Variants in FRAS1 observed in about 807,000 individuals in gnomAD.
The protein encoded by FRAS1 is extracellular matrix organizing protein FRAS1.
Under a neutral mutation model 435.2 loss-of-function variants are expected in FRAS1, and 290 were observed. The ratio of observed to expected loss-of-function variants is 0.67; its 90% CI spans 0.61 to 0.73. The LOEUF is 0.73. FRAS1 is among the 30% of genes least tolerant of loss of function. The pLI is 0.00. For synonymous variants in FRAS1, 1,800 were observed against 1,851.0 expected (o/e 0.97, Z 0.71); for missense variants, 4,860 against 5,001.5 (o/e 0.97, Z 0.85).
intron 2 of FRAS1, among the ~76,000 whole-genome samples, chr4:78,109,773 TA>T (rs1742605808): frequency 4.6e-5 from 1 of 21,666 alleles, no homozygotes; most frequent in Non-Finnish European, 9.4e-5. Flanking sequence ...GAGAAGGAAA[TA>T]AAGGGTATTC....
At chr4:78,388,781 G>C in intron 29 of FRAS1, among the ~76,000 whole-genome samples, 1 of 152,006 alleles carries the variant, frequency 6.6e-6, no homozygotes, top group East Asian at 1.9e-4. Flanking sequence ...GTACTCCAGC[G>C]TGGATGACAG....
chr4:78,301,722 C>T (rs971776991), intron 14 of FRAS1, among the ~76,000 whole-genome samples: 2 of 152,088 alleles, frequency 1.3e-5, no homozygotes, highest in Non-Finnish European at 2.9e-5. Context: ...TTAAGCAGTC[C>T]TTCTTTCTCT....
intron 42 of FRAS1, chr4:78,446,508 T>A (rs1262925502): frequency 7.5e-7 from 1 of 1,338,642 alleles, no homozygotes; most frequent in Admixed American, 3.8e-5. Flanking sequence ...GAGAAAACTT[T>A]TATGAAATGT....
chr4:78,159,653 G>T (rs2110022166), intron 2 of FRAS1, among the ~76,000 whole-genome samples: 1 of 152,232 alleles, frequency 6.6e-6, no homozygotes, highest in Non-Finnish European at 1.5e-5. Context: ...GGCCAAGGAG[G>T]GTAGATCACT....
At chr4:78,422,975 A>G (rs1226942941) in intron 34 of FRAS1, among the ~76,000 whole-genome samples, 4 of 152,024 alleles carry the variant, frequency 2.6e-5, no homozygotes, top group Non-Finnish European at 5.9e-5. Context: ...AAGAATAACT[A>G]AGTTTCTCAT....
At chr4:78,224,914 G>T (rs967475768) in intron 2 of FRAS1, among the ~76,000 whole-genome samples, 2 of 152,230 alleles carry the variant, frequency 1.3e-5, no homozygotes, top group African/African-American at 4.8e-5. Flanking sequence ...TGTCTCTATG[G>T]ATATCATATT....
intron 2 of FRAS1, among the ~76,000 whole-genome samples, chr4:78,228,100 AAAAT>A (rs1431537258): frequency 6.6e-6 from 1 of 152,214 alleles, no homozygotes; most frequent in Non-Finnish European, 1.5e-5. Flanking sequence ...AGTTGACAAG[AAAAT>A]AAATAATTTT....
intron 2 of FRAS1, among the ~76,000 whole-genome samples, chr4:78,088,124 C>T (rs1323903128): frequency 6.6e-6 from 1 of 152,130 alleles, no homozygotes; most frequent in Non-Finnish European, 1.5e-5. Flanking sequence ...AATAATGCTG[C>T]ATATCTACAA....
rs551846087 is a variant in FRAS1 at position 78,112,787 on chromosome 4, A to T, written c.108+46771A>T. Among the ~76,000 whole-genome samples the T allele has an allele frequency of 4.0e-5, 6 of 149,564 alleles. No homozygotes were observed. The South Asian group carries it at 1.1e-3, about 26-fold the overall frequency. On this transcript the variant is annotated intron_variant, in intron 2 of 73. Coordinates refer to ENST00000512123, the MANE Select transcript of FRAS1 (RefSeq NM_025074.7). Reference sequence around the variant, plus strand: ...CTATGTCAGCAAGTTAAGGTCGGGCATTTTATTTTTTTAAATTTTTACTTT... The same window carrying T: ...CTATGTCAGCAAGTTAAGGTCGGGCTTTTTATTTTTTTAAATTTTTACTTT...
At chr4:78,450,791 T>G (rs1332958009) in intron 45 of FRAS1, among the ~76,000 whole-genome samples, 4 of 152,066 alleles carry the variant, frequency 2.6e-5, no homozygotes, top group Non-Finnish European at 5.9e-5. Context: ...CTAGGGGAAA[T>G]TACATGGCAC....
At chr4:78,271,599 A>G (rs191608839) in intron 9 of FRAS1, among the ~76,000 whole-genome samples, 207 of 152,320 alleles carry the variant, frequency 1.4e-3, no homozygotes, top group African/African-American at 4.7e-3. Flanking sequence ...TTTGCTGAGA[A>G]TGATGGTTTC....
At chr4:78,490,085 G>C (rs1196495492) in intron 59 of FRAS1, among the ~76,000 whole-genome samples, 3 of 151,734 alleles carry the variant, frequency 2.0e-5, no homozygotes, top group African/African-American at 2.4e-5. Flanking sequence ...AATGGTAAAG[G>C]GATCAATGCA....
intron 29 of FRAS1, among the ~76,000 whole-genome samples, chr4:78,399,194 C>T (rs1450589900): frequency 6.6e-6 from 1 of 152,188 alleles, no homozygotes; most frequent in Non-Finnish European, 1.5e-5. Flanking sequence ...GCCGTTGCTG[C>T]TGTTCTCATG....
intron 24 of FRAS1, among the ~76,000 whole-genome samples, chr4:78,373,354 G>A (rs1731588791): frequency 6.6e-6 from 1 of 151,768 alleles, no homozygotes; most frequent in Non-Finnish European, 1.5e-5. Context: ...TGCACAGAGA[G>A]CATTCCTAGG....
At chr4:78,164,698 C>G (rs780415064) in intron 2 of FRAS1, among the ~76,000 whole-genome samples, 1 of 152,090 alleles carries the variant, frequency 6.6e-6, no homozygotes, top group Non-Finnish European at 1.5e-5. Context: ...ATAGGTACAA[C>G]TTAGTTAATA....
chr4:78,304,182 A>C (rs1417004306), intron 14 of FRAS1, among the ~76,000 whole-genome samples: 1 of 151,552 alleles, frequency 6.6e-6, no homozygotes, highest in Non-Finnish European at 1.5e-5. Context: ...ATATTGAACC[A>C]GCCTTGCATC....
chr4:78,312,879 G>GAGAGAGAGAA (rs143465313), intron 15 of FRAS1, among the ~76,000 whole-genome samples: 2,510 of 128,812 alleles, frequency 0.019, 34 homozygotes, highest in Middle Eastern at 0.03. Flanking sequence ...GAGAGAGAGA[G>GAGAGAGAGAA]AGAAAGAAAG....
At chr4:78,227,939 C>T (rs1259614253) in intron 2 of FRAS1, among the ~76,000 whole-genome samples, 1 of 152,174 alleles carries the variant, frequency 6.6e-6, no homozygotes, top group Non-Finnish European at 1.5e-5. Context: ...CATCCATCAA[C>T]TCATTCAAAA....
At chr4:78,129,959 T>A (rs1187796739) in intron 2 of FRAS1, among the ~76,000 whole-genome samples, 1 of 152,172 alleles carries the variant, frequency 6.6e-6, no homozygotes, top group Middle Eastern at 3.2e-3. Context: ...GGCTGCTTCT[T>A]CCTCAGTGTC....
Sources: allele counts gnomAD v4.1 joint callset (sites outside exome capture counted in the v4.1 genomes callset), GRCh38; gene constraint gnomAD v4.1.1; transcripts MANE v1.5; gene names NCBI Gene and HGNC (gene_info 2026-07-23, HGNC 2026-07-21).